ZNF804B: variants seen among roughly 807,000 people sequenced by gnomAD.
The protein encoded by ZNF804B is zinc finger 804B.
Under a neutral mutation model 101.4 loss-of-function variants are expected in ZNF804B, and 80 were observed. The ratio of observed to expected loss-of-function variants is 0.79; its 90% CI spans 0.66 to 0.95. The LOEUF (loss-of-function observed/expected upper bound fraction) is 0.95. ZNF804B is among the 40% of genes least tolerant of loss of function. The pLI is 0.00. For synonymous variants in ZNF804B, 622 were observed against 558.8 expected, an observed-to-expected ratio of 1.11 and a Z score of -1.59; for missense variants, 1,673 against 1,561.9, an observed-to-expected ratio of 1.07 and a Z score of -1.20.
chr7:89,139,610 C>CA (rs894511987), intron 1 of ZNF804B, among the ~76,000 whole-genome samples: 78 of 150,972 alleles, frequency 5.2e-4, no homozygotes, highest in African/African-American at 1.3e-3. Flanking sequence ...GATTACATCT[C>CA]AAAAAAAAGA....
chr7:89,207,775 G>A (rs989531542), intron 1 of ZNF804B, among the ~76,000 whole-genome samples: 11 of 151,994 alleles, frequency 7.2e-5, no homozygotes, highest in Admixed American at 3.3e-4. Flanking sequence ...AAATGTATTC[G>A]TTCTTTCAGT....
intron 2 of ZNF804B, among the ~76,000 whole-genome samples, chr7:89,287,991 G>A (rs1452953673): frequency 6.7e-6 from 1 of 150,184 alleles, no homozygotes; most frequent in East Asian, 1.9e-4. Flanking sequence ...AGCCTGTACA[G>A]TATATCATTA....
intron 1 of ZNF804B, among the ~76,000 whole-genome samples, chr7:88,881,987 A>T (rs570134111): frequency 2.2e-4 from 33 of 152,272 alleles, no homozygotes; most frequent in African/African-American, 7.7e-4. Flanking sequence ...AAATATAGCT[A>T]ATATAGACAC....
intron 1 of ZNF804B, among the ~76,000 whole-genome samples, chr7:88,847,470 T>A (rs1583973448): frequency 6.6e-6 from 1 of 152,092 alleles, no homozygotes; most frequent in East Asian, 1.9e-4. Context: ...TAAAACTGAA[T>A]TATTAAAATA....
At chr7:89,165,338 G>A (rs77003257) in intron 1 of ZNF804B, among the ~76,000 whole-genome samples, 4,986 of 152,050 alleles carry the variant, frequency 0.033, 156 homozygotes, top group South Asian at 0.081. Flanking sequence ...AAAGATAGAG[G>A]ATACACAAAG....
intron 2 of ZNF804B, among the ~76,000 whole-genome samples, chr7:89,242,011 C>T (rs1176242406): frequency 9.2e-5 from 14 of 151,612 alleles, no homozygotes; most frequent in Admixed American, 9.2e-4. Flanking sequence ...AGGTCTTCTA[C>T]AAAGCTTGAC....
At chr7:88,872,968 C>T (rs1791862233) in intron 1 of ZNF804B, among the ~76,000 whole-genome samples, 1 of 151,702 alleles carries the variant, frequency 6.6e-6, no homozygotes, top group Non-Finnish European at 1.5e-5. Context: ...GATTTATAGT[C>T]CTTTGGGTAT....
chr7:89,326,420 A>G (rs1161078796), intron 2 of ZNF804B, among the ~76,000 whole-genome samples: 1 of 152,086 alleles, frequency 6.6e-6, no homozygotes, highest in Non-Finnish European at 1.5e-5. Flanking sequence ...ATTACGTCAC[A>G]TGATAACTAT....
intron 1 of ZNF804B, among the ~76,000 whole-genome samples, chr7:88,851,042 T>C (rs1217832412): frequency 2.6e-5 from 4 of 152,066 alleles, no homozygotes; most frequent in Admixed American, 1.3e-4. Context: ...GATTAAACAT[T>C]GCAGAAGAAA....
intron 2 of ZNF804B, among the ~76,000 whole-genome samples, chr7:89,221,747 TTCTA>T (rs1278837201): frequency 2.1e-5 from 3 of 140,782 alleles, no homozygotes; most frequent in African/African-American, 2.7e-5. Flanking sequence ...TTCTATTCTA[TTCTA>T]TCTATATGCA....
chr7:89,218,250 G>A lies in ZNF804B; in HGVS notation c.204G>A (p.Gln68=). 6.2e-7 allele frequency: 1 copy of A among 1,613,762 alleles called. No homozygotes were observed. Among genetic ancestry groups the A allele is most frequent in the Non-Finnish European group, 8.5e-7 (1 of 1,179,820 alleles). The part of the protein sequence containing the change: ...ELCDKQYHKH[Q]EFDNHINSYD... Reference sequence around the variant, plus strand: ...GTGACAAGCAGTATCACAAACACCAGGAGTTTGACAATCATATTAATTCTT... The same window carrying A: ...GTGACAAGCAGTATCACAAACACCAAGAGTTTGACAATCATATTAATTCTT... The change falls in exon 2 of 4, where the codon CAG becomes CAA. Residue 68 remains glutamine (Q), a synonymous_variant. Transcript: ENST00000333190.
chr7:89,065,077 G>A (rs1789439078), intron 1 of ZNF804B, among the ~76,000 whole-genome samples: 1 of 152,174 alleles, frequency 6.6e-6, no homozygotes, highest in African/African-American at 2.4e-5. Flanking sequence ...GAAGGGTACT[G>A]CTTGTGGTCA....
At chr7:89,236,287 C>T (rs1326001263) in intron 2 of ZNF804B, among the ~76,000 whole-genome samples, 1 of 152,024 alleles carries the variant, frequency 6.6e-6, no homozygotes, top group Non-Finnish European at 1.5e-5. Flanking sequence ...AACCAGTAGA[C>T]TCTTGAGCAT....
chr7:88,819,565 T>C (rs1031226723), intron 1 of ZNF804B, among the ~76,000 whole-genome samples: 15 of 152,178 alleles, frequency 9.9e-5, no homozygotes, highest in Non-Finnish European at 2.9e-5. Context: ...TTGGAAGATA[T>C]ATACCCATCT....
chr7:89,225,361 GA>G (rs1168015955), intron 2 of ZNF804B, among the ~76,000 whole-genome samples: 1 of 152,050 alleles, frequency 6.6e-6, no homozygotes, highest in Non-Finnish European at 1.5e-5. Flanking sequence ...TAGACCAGCA[GA>G]AAACTGCTTA....
At chr7:89,279,874 C>A (rs1706160456) in intron 2 of ZNF804B, among the ~76,000 whole-genome samples, 1 of 151,822 alleles carries the variant, frequency 6.6e-6, no homozygotes, top group Admixed American at 6.6e-5. Flanking sequence ...CATAGGATAC[C>A]CAGGAATTGA....
chr7:89,045,078 G>A (rs1198918535), intron 1 of ZNF804B, among the ~76,000 whole-genome samples: 1 of 152,200 alleles, frequency 6.6e-6, no homozygotes, highest in African/African-American at 2.4e-5. Flanking sequence ...CTGTGTCCCA[G>A]CTGATTCAGC....
Position 89,265,293 on chromosome 7 carries a change from T to TCAC in ZNF804B, c.249+46998_249+46999insCAC, listed in dbSNP as rs1789774116. 1.1e-4 allele frequency among the ~76,000 whole-genome samples: 13 copies of TCAC among 120,606 alleles called. No homozygotes were observed. In the South Asian group the frequency reaches 1.3e-3, roughly 12 times the overall value. The allele number at this position is 120,606 out of a possible 152,430, so 79.1% of individuals were successfully genotyped here. A position where few individuals can be genotyped will look rare whatever the true frequency, so the allele number is the denominator to read the frequency against. On this transcript the variant is annotated intron_variant, in intron 2 of 3. Coordinates refer to ENST00000333190, the MANE Select transcript of ZNF804B (RefSeq NM_181646.5). ...GTGTGTGTGTGTGTGTGTGTGTGTGTGCGCGTGCGCGCGCGCACACATGCA... is the reference window on the plus strand; with the variant it reads ...GTGTGTGTGTGTGTGTGTGTGTGTGTCACGCGCGTGCGCGCGCGCACACATGCA...
intron 1 of ZNF804B, among the ~76,000 whole-genome samples, chr7:89,037,581 A>ATG (rs1247359341): frequency 6.6e-6 from 1 of 151,758 alleles, no homozygotes; most frequent in Admixed American, 6.6e-5. Context: ...ATATATATAT[A>ATG]TATATTTTGA....
Sources: allele counts gnomAD v4.1 joint callset (sites outside exome capture counted in the v4.1 genomes callset), GRCh38; gene constraint gnomAD v4.1.1; transcripts MANE v1.5; gene names NCBI Gene and HGNC (gene_info 2026-07-23, HGNC 2026-07-21).